The following NFILZ variants were observed in gnomAD, a reference collection of about 807,000 sequenced individuals.
The protein encoded by NFILZ is NFIL3 like basic leucine zipper.
chr19:8,672,960 TG>T (rs1413220740), intron 3 of NFILZ, among the ~76,000 whole-genome samples: 4 of 151,448 alleles, frequency 2.6e-5, no homozygotes, highest in Non-Finnish European at 4.4e-5. Context: ...GGTGGGTTTG[TG>T]GGGGACAAGG....
rs1281370542 is a variant in NFILZ, at chr19:8,679,518, A to T, written c.*1883A>T. 6.6e-6 allele frequency among the ~76,000 whole-genome samples: 1 copy of T among 152,044 alleles called. No homozygotes were observed. The highest frequency in any genetic ancestry group is 1.5e-5 in the Non-Finnish European group (1 of 68,018). ...GCTACTCCAAGTTTATCAGAGCCAC[A>T]AATGTGTGCAGGGTGAGGACGTACA... On this transcript the variant is annotated 3_prime_UTR_variant, in exon 6 of 6. Coordinates refer to ENST00000691075, the MANE Select transcript of NFILZ (RefSeq NM_001378600.1).
intron 3 of NFILZ, among the ~76,000 whole-genome samples, chr19:8,662,271 G>C (rs1368704102): frequency 1.3e-5 from 2 of 151,966 alleles, no homozygotes; most frequent in Admixed American, 6.6e-5. Context: ...GCAGAATAAG[G>C]AGAGAAAGTG....
rs185496385 is a variant in NFILZ at position 8,632,785 on chromosome 19, C to T, written c.-261+160C>T. ...TCCCCCAGGCTGGAGTGCAGTGGCA[C>T]GATCTTGGCTCACTGCAACCTCCGC... On this transcript the variant is annotated intron_variant, in intron 2 of 5. Coordinates refer to ENST00000691075, the MANE Select transcript of NFILZ (RefSeq NM_001378600.1). 1.0e-4 allele frequency among the ~76,000 whole-genome samples: 15 copies of T among 149,210 alleles called. No homozygotes were observed. In the East Asian group the frequency reaches 2.4e-3, roughly 24 times the overall value.
At chr19:8,649,439 G>A (rs1357550840) in intron 3 of NFILZ, among the ~76,000 whole-genome samples, 6 of 151,190 alleles carry the variant, frequency 4.0e-5, no homozygotes, top group Admixed American at 1.3e-4. Context: ...CTAATTTTTT[G>A]TATTTTTGTT....
At chr19:8,641,871 G>C (rs1365337582) in intron 3 of NFILZ, among the ~76,000 whole-genome samples, 1 of 151,662 alleles carries the variant, frequency 6.6e-6, no homozygotes, top group Non-Finnish European at 1.5e-5. Flanking sequence ...TGTTGCCCAG[G>C]CTGCTGGAGT....
rs112312027 is a variant in NFILZ, at chr19:8,678,184, T to C, written c.*549T>C. Among the ~76,000 whole-genome samples the C allele has an allele frequency of 6.0e-3, 299 of 49,430 alleles. 51 individuals are homozygous for C. The highest frequency in any genetic ancestry group is 0.01 in the African/African-American group (124 of 12,230). 32.4% of individuals were successfully genotyped at this position (49,430 alleles called of 152,430 possible). Reference sequence around the variant, plus strand: ...ATCCATCCATCCATCCATCCATCCATCCATCCGTCCATCTATCCATCCATC... The same window carrying C: ...ATCCATCCATCCATCCATCCATCCACCCATCCGTCCATCTATCCATCCATC... On this transcript the variant is annotated 3_prime_UTR_variant, in exon 6 of 6. Transcript: ENST00000691075.
chr19:8,664,305 T>C (rs1555749536), intron 3 of NFILZ, among the ~76,000 whole-genome samples: 3 of 152,182 alleles, frequency 2.0e-5, no homozygotes, highest in African/African-American at 7.2e-5. Context: ...CAAGTGTGTC[T>C]TTGGCAGAGC....
intron 3 of NFILZ, among the ~76,000 whole-genome samples, chr19:8,666,491 T>C (rs2043062869): frequency 6.6e-6 from 1 of 152,002 alleles, no homozygotes; most frequent in African/African-American, 2.4e-5. Flanking sequence ...AGGTATCTTA[T>C]ATCTTATAGA....
chr19:8,652,989 TTCCTTCCTTCCTTCCTTCCTTC>T (rs2042972966), intron 3 of NFILZ, among the ~76,000 whole-genome samples: 66 of 30,140 alleles, frequency 2.2e-3, no homozygotes, highest in African/African-American at 9.3e-3. Context: ...CCTTCCTTCC[TTCCTTCCTTCCTTCCTTCCTTC>T]CTTTCTTTCT....
intron 3 of NFILZ, among the ~76,000 whole-genome samples, chr19:8,672,741 T>A (rs1568425214): frequency 2.0e-5 from 3 of 152,360 alleles, no homozygotes; most frequent in African/African-American, 7.2e-5. Flanking sequence ...TAGTTTATTT[T>A]AAAAAATATT....
rs554530339 is a variant in NFILZ, at chr19:8,680,069, G to A, written c.*2434G>A. Reference sequence around the variant, plus strand: ...AAATTAGCCGGGCATGGTAGCGAGCGCCTGTAATCTCAGCTACTTGGGAGG... The same window carrying A: ...AAATTAGCCGGGCATGGTAGCGAGCACCTGTAATCTCAGCTACTTGGGAGG... On this transcript the variant is annotated 3_prime_UTR_variant, in exon 6 of 6. Coordinates refer to ENST00000691075, the MANE Select transcript of NFILZ (RefSeq NM_001378600.1). Among the ~76,000 whole-genome samples the A allele has an allele frequency of 3.3e-5, 5 of 151,874 alleles. No homozygotes were observed. The highest frequency in any genetic ancestry group is 2.1e-4 in the South Asian group (1 of 4,798).
chr19:8,642,723 G>A (rs564700908), intron 3 of NFILZ, among the ~76,000 whole-genome samples: 25 of 152,166 alleles, frequency 1.6e-4, no homozygotes, highest in Middle Eastern at 3.4e-3. Context: ...GCCCTAATGC[G>A]CAAGAACTTC....
chr19:8,663,607 C>A (rs2043042876), intron 3 of NFILZ, among the ~76,000 whole-genome samples: 1 of 151,872 alleles, frequency 6.6e-6, no homozygotes, highest in African/African-American at 2.4e-5. Flanking sequence ...ATTTGATGCT[C>A]GCGGGCGTTG....
intron 1 of NFILZ, among the ~76,000 whole-genome samples, chr19:8,631,228 C>T (rs2042868002): frequency 6.6e-6 from 1 of 152,118 alleles, no homozygotes; most frequent in Non-Finnish European, 1.5e-5. Flanking sequence ...AAGGTTTCCT[C>T]CTGCTCCTCC....
intron 3 of NFILZ, among the ~76,000 whole-genome samples, chr19:8,666,610 TC>T (rs2043063427): frequency 6.6e-6 from 1 of 152,202 alleles, no homozygotes; most frequent in South Asian, 2.1e-4. Flanking sequence ...TCAGTCAGTA[TC>T]CCATGGCCAA....
At chr19:8,654,846 G>A (rs1451438061) in intron 3 of NFILZ, among the ~76,000 whole-genome samples, 1 of 152,014 alleles carries the variant, frequency 6.6e-6, no homozygotes, top group Non-Finnish European at 1.5e-5. Context: ...AATCTGCAGC[G>A]TGGCTCGGCC....
chr19:8,676,821 T>C lies in NFILZ; in HGVS notation c.56T>C (p.Leu19Ser), dbSNP rs555760167. ...GTGTCTCAGAGTCATAGCAAGACCT[T>C]GTGGGGGGCTCGGGGCAGGGGCCCC... ...PDVSQSHSKT[L>S]WGARGRGPSI... is the part of the protein sequence containing the mutation. The change falls in exon 6 of 6, where the codon TTG becomes TCG. Residue 19 changes from leucine to serine, a missense_variant. Coordinates refer to ENST00000691075, the MANE Select transcript of NFILZ (RefSeq NM_001378600.1). 9.2e-5 allele frequency: 14 copies of C among 152,630 alleles called. No homozygotes were observed. The highest frequency in any genetic ancestry group is 6.5e-4 in the Admixed American group (10 of 15,310). The allele number at this position is 152,630 out of a possible 1,614,324, so 9.5% of individuals were successfully genotyped here. A position where few individuals can be genotyped will look rare whatever the true frequency, so the allele number is the denominator to read the frequency against.
intron 3 of NFILZ, among the ~76,000 whole-genome samples, chr19:8,668,314 T>C (rs181573263): frequency 1.1e-3 from 163 of 152,340 alleles, no homozygotes; most frequent in African/African-American, 3.8e-3. Flanking sequence ...TTTCAAATAC[T>C]GTATTTTCAA....
At chr19:8,653,040 CTCT>C (rs1296737243) in intron 3 of NFILZ, among the ~76,000 whole-genome samples, 2 of 63,344 alleles carry the variant, frequency 3.2e-5, no homozygotes, top group African/African-American at 6.8e-5. Context: ...TTCTTTCTTT[CTCT>C]CTCTCTCTCT....
Sources: allele counts gnomAD v4.1 joint callset (sites outside exome capture counted in the v4.1 genomes callset), GRCh38; gene constraint gnomAD v4.1.1; transcripts MANE v1.5; gene names NCBI Gene and HGNC (gene_info 2026-07-23, HGNC 2026-07-21).